The following EPB41 variants were observed in gnomAD, a reference collection of about 807,000 sequenced individuals.
EPB41 encodes erythrocyte membrane protein band 4.1.
EPB41 carries 65 observed loss-of-function variants against 108.0 expected under a neutral mutation model. The observed-to-expected ratio is 0.60, with a 90% CI of 0.49 to 0.74. EPB41 has a LOEUF of 0.74. Among genes scored for constraint, EPB41 ranks in the 30% least tolerant of loss-of-function variants. EPB41 has a pLI of 0.00. For missense variants in EPB41, 875 were observed against 1,037.0 expected (o/e 0.84, Z 2.15); for synonymous variants, 336 against 358.9 (o/e 0.94, Z 0.72).
chr1:29,100,706 T>C (rs1360403197), intron 17 of EPB41, among the ~76,000 whole-genome samples: 1 of 146,866 alleles, frequency 6.8e-6, no homozygotes, highest in African/African-American at 2.5e-5. Flanking sequence ...ATATATTTAA[T>C]ACAACATATA....
intron 17 of EPB41, among the ~76,000 whole-genome samples, chr1:29,101,415 A>G (rs115905230): frequency 0.021 from 3,153 of 152,278 alleles, 100 homozygotes; most frequent in African/African-American, 0.072. Context: ...ATGTCTGCAA[A>G]GCACTGGGCA....
chr1:29,021,268 C>G (rs184215590), intron 7 of EPB41, among the ~76,000 whole-genome samples: 7 of 152,040 alleles, frequency 4.6e-5, no homozygotes, highest in Non-Finnish European at 2.9e-5. Flanking sequence ...ATGTTATTTG[C>G]TTTTTTCACT....
intron 4 of EPB41, among the ~76,000 whole-genome samples, chr1:29,002,677 T>C (rs1244841256): frequency 2.6e-5 from 4 of 152,148 alleles, no homozygotes; most frequent in African/African-American, 9.7e-5. Flanking sequence ...ATTTTAGCTA[T>C]TGGAAAAAGA....
intron 1 of EPB41, among the ~76,000 whole-genome samples, chr1:28,920,869 A>T (rs1197271305): frequency 1.3e-5 from 2 of 152,062 alleles, no homozygotes; most frequent in East Asian, 3.9e-4. Context: ...AGGCTCAAGA[A>T]ATCTGCCTGC....
chr1:29,063,598 T>G (rs1389874774), intron 15 of EPB41, among the ~76,000 whole-genome samples: 1 of 152,194 alleles, frequency 6.6e-6, no homozygotes, highest in Admixed American at 6.5e-5. Context: ...AAATTTTATT[T>G]AAATGAATTA....
At chr1:28,923,513 G>A (rs566702732) in intron 1 of EPB41, among the ~76,000 whole-genome samples, 7 of 152,022 alleles carry the variant, frequency 4.6e-5, no homozygotes, top group South Asian at 4.2e-4. Flanking sequence ...GTGCCATTCC[G>A]TCTCCTAAAG....
intron 1 of EPB41, among the ~76,000 whole-genome samples, chr1:28,969,549 A>T (rs1197017614): frequency 1.3e-5 from 2 of 151,542 alleles, no homozygotes; most frequent in Non-Finnish European, 2.9e-5. Context: ...GTGGATCACG[A>T]GGTCAGGAGA....
chr1:29,093,419 TAA>T (rs1662022011), intron 16 of EPB41, among the ~76,000 whole-genome samples: 1 of 152,240 alleles, frequency 6.6e-6, no homozygotes. Flanking sequence ...TAAATTTGTT[TAA>T]GTTTCTTATA....
intron 1 of EPB41, among the ~76,000 whole-genome samples, chr1:28,941,170 G>A (rs2094267323): frequency 6.6e-6 from 1 of 151,312 alleles, no homozygotes; most frequent in African/African-American, 2.4e-5. Context: ...TTGAGCTCAG[G>A]AGTTCGAGAT....
At position 29,013,356 on chromosome 1, in the gene EPB41, G is replaced by T. The variant is rs1181954230; in HGVS notation, c.829+1449G>T. Among the ~76,000 whole-genome samples, 5 of 151,354 alleles carry T rather than the reference G, an allele frequency of 3.3e-5. No homozygotes were observed. In the South Asian group the frequency reaches 8.3e-4, roughly 25 times the overall value. On this transcript the variant is annotated intron_variant, in intron 5 of 20. Transcript: ENST00000343067. ...AAAAAAATTACAGAATGATAAAAAC[G>T]CTTTCTTCAACATGGGGGAAAAAAA...
At chr1:28,937,882 G>T (rs1198497789) in intron 1 of EPB41, among the ~76,000 whole-genome samples, 3 of 152,138 alleles carry the variant, frequency 2.0e-5, no homozygotes, top group Non-Finnish European at 2.9e-5. Flanking sequence ...TATGAGGTGA[G>T]ACAGGGGTCT....
In EPB41 at chr1:29,030,422, G is replaced by C. The variant is rs544599235; in HGVS notation, c.1147G>C (p.Asp383His). The change falls in exon 8 of 21, where the codon GAC becomes CAC. Residue 383 changes from aspartate (D) to histidine (H), a missense_variant. This residue lies in a region of EPB41 where 519 missense variants were observed against 627.3 expected (regional missense o/e 0.83). Coordinates refer to ENST00000343067, the MANE Select transcript of EPB41 (RefSeq NM_001376013.1). ...SYRSMTPAQA[D>H]LEFLENAKKL... ...AAGGTCCATGACTCCAGCTCAGGCT[G>C]ACTTGGAGTTTCTTGAGAATGCCAA... 4.3e-6 allele frequency: 7 copies of C among 1,614,096 alleles called. No individual in the cohort carries two copies. Among genetic ancestry groups the C allele is most frequent in the African/African-American group, 1.3e-5 (1 of 75,054 alleles).
chr1:29,036,013 A>C, intron 10 of EPB41, 90 bp downstream of exon 10: 1 of 936,386 alleles, frequency 1.1e-6, no homozygotes, highest in Non-Finnish European at 1.7e-6. Flanking sequence ...TCATTGTATG[A>C]CTGGCACTCT....
At chr1:29,075,471 C>CT (rs1032501399) in intron 16 of EPB41, among the ~76,000 whole-genome samples, 26 of 152,146 alleles carry the variant, frequency 1.7e-4, no homozygotes, top group African/African-American at 6.0e-4. Flanking sequence ...GAGCAAGACT[C>CT]TGTCTCAAAA....
intron 12 of EPB41, among the ~76,000 whole-genome samples, chr1:29,055,688 G>C (rs932523325): frequency 6.6e-6 from 1 of 151,452 alleles, no homozygotes; most frequent in Non-Finnish European, 1.5e-5. Context: ...GGTGGCTCAC[G>C]CCCGTAATCC....
At chr1:28,888,629 C>T (rs1458288193) in intron 1 of EPB41, among the ~76,000 whole-genome samples, 1 of 152,178 alleles carries the variant, frequency 6.6e-6, no homozygotes, top group East Asian at 1.9e-4. Context: ...ATTATTATTT[C>T]TTCTTTTTTT....
intron 9 of EPB41, 52 bp from the exon 10 acceptor site, chr1:29,035,774 T>G: frequency 2.3e-6 from 3 of 1,293,050 alleles, no homozygotes; most frequent in Non-Finnish European, 3.4e-6. Context: ...TGTAATCTGG[T>G]ACTGTATCAC....
chr1:28,971,000 A>T (rs1041665780), intron 1 of EPB41, among the ~76,000 whole-genome samples: 5 of 151,638 alleles, frequency 3.3e-5, no homozygotes, highest in Non-Finnish European at 7.4e-5. Context: ...GGCGCGTGCC[A>T]CTACGCCCAG....
chr1:29,104,500 C>T (rs1307560058), intron 17 of EPB41, among the ~76,000 whole-genome samples: 2 of 152,136 alleles, frequency 1.3e-5, no homozygotes, highest in Admixed American at 6.6e-5. Context: ...ACTGCAGCCT[C>T]GACCTTTTGG....
Sources: allele counts gnomAD v4.1 joint callset (sites outside exome capture counted in the v4.1 genomes callset), GRCh38; gene constraint gnomAD v4.1.1; regional missense constraint gnomAD v4.1.1; transcripts MANE v1.5; gene names NCBI Gene and HGNC (gene_info 2026-07-23, HGNC 2026-07-21).